Variants in UNC13C observed in about 807,000 individuals in gnomAD.
The protein encoded by UNC13C is protein unc-13 homolog C.
UNC13C carries 174 observed loss-of-function variants against 245.4 expected under a neutral mutation model. The observed-to-expected ratio is 0.71, with a 90% CI of 0.63 to 0.80. The LOEUF (loss-of-function observed/expected upper bound fraction) is 0.80, where lower values mean the gene tolerates loss of function less well. Among genes scored for constraint, UNC13C ranks in the 30% least tolerant of loss-of-function variants. The pLI, the probability that UNC13C is intolerant of heterozygous loss-of-function variation, is 0.00. For synonymous variants in UNC13C, 992 were observed against 895.1 expected (o/e 1.11, Z -1.93); for missense variants, 2,829 against 2,602.9 (o/e 1.09, Z -1.89).
chr15:54,360,580 G>A (rs1373393317), intron 17 of UNC13C, among the ~76,000 whole-genome samples: 1 of 151,998 alleles, frequency 6.6e-6, no homozygotes, highest in Admixed American at 6.6e-5. Context: ...TTGACATAAA[G>A]TCTGTTTTAT....
chr15:54,288,264 G>T (rs557288841), intron 10 of UNC13C, among the ~76,000 whole-genome samples: 1 of 152,024 alleles, frequency 6.6e-6, no homozygotes, highest in African/African-American at 2.4e-5. Flanking sequence ...GATGAATTTC[G>T]TTTATCAGTT....
chr15:53,878,179 C>T, the UNC13C span, among the ~76,000 whole-genome samples: 3 of 152,072 alleles, frequency 2.0e-5, no homozygotes, highest in African/African-American at 7.2e-5. Flanking sequence ...CACAGGATTG[C>T]TTGGAAATGG....
intron 4 of UNC13C, among the ~76,000 whole-genome samples, chr15:54,232,316 G>A (rs1473827119): frequency 1.3e-5 from 2 of 152,098 alleles, no homozygotes; most frequent in Non-Finnish European, 2.9e-5. Context: ...ACTCAAAAGA[G>A]GCAGAGATGA....
chr15:54,424,515 C>A (rs1170913998), intron 19 of UNC13C, among the ~76,000 whole-genome samples: 1 of 151,820 alleles, frequency 6.6e-6, no homozygotes, highest in Admixed American at 6.6e-5. Context: ...TGCGACCTGG[C>A]TGCAAATTGA....
chr15:54,036,155 G>A (rs1324577010), intron 2 of UNC13C, among the ~76,000 whole-genome samples: 1 of 152,188 alleles, frequency 6.6e-6, no homozygotes, highest in Non-Finnish European at 1.5e-5. Flanking sequence ...ATTCCAGGAT[G>A]TGAGAAATTA....
intron 30 of UNC13C, among the ~76,000 whole-genome samples, chr15:54,594,801 T>G (rs899442501): frequency 6.6e-6 from 1 of 152,164 alleles, no homozygotes; most frequent in Non-Finnish European, 1.5e-5. Context: ...GGAAAGGATG[T>G]TGGGGAAACC....
intron 26 of UNC13C, among the ~76,000 whole-genome samples, chr15:54,538,202 C>A (rs1274570593): frequency 7.8e-6 from 1 of 127,778 alleles, no homozygotes; most frequent in African/African-American, 3.0e-5. Context: ...GTAGACACTT[C>A]TCAAAAGAAG....
chr15:54,312,026 A>AT (rs1393876604), intron 13 of UNC13C, among the ~76,000 whole-genome samples: 3 of 151,760 alleles, frequency 2.0e-5, no homozygotes, highest in Admixed American at 6.6e-5. Flanking sequence ...TATTTTACAT[A>AT]TTTTTTTCTG....
chr15:54,305,022 T>C (rs1168465192), intron 13 of UNC13C, among the ~76,000 whole-genome samples: 1 of 152,090 alleles, frequency 6.6e-6, no homozygotes, highest in East Asian at 1.9e-4. Context: ...TGGAACAGCA[T>C]AGAGGTGCAC....
intron 11 of UNC13C, 139 bp downstream of exon 11, chr15:54,294,203 A>G (rs577056492): frequency 5.3e-6 from 4 of 749,916 alleles, no homozygotes; most frequent in African/African-American, 1.8e-5. Context: ...GATTCATTTC[A>G]TTGACAAGAA....
At chr15:54,522,835 A>T (rs1370390633) in intron 24 of UNC13C, among the ~76,000 whole-genome samples, 1 of 152,174 alleles carries the variant, frequency 6.6e-6, no homozygotes, top group African/African-American at 2.4e-5. Context: ...GTTCATACAC[A>T]TGCTAATTGA....
the UNC13C span, among the ~76,000 whole-genome samples, chr15:53,879,976 TAC>T: frequency 0.043 from 6,014 of 140,982 alleles, 131 homozygotes; most frequent in Non-Finnish European, 0.047. Flanking sequence ...TGTGTGTATA[TAC>T]ATATATATGT....
chr15:54,376,735 T>C (rs1391967309), intron 17 of UNC13C, among the ~76,000 whole-genome samples: 2 of 152,198 alleles, frequency 1.3e-5, no homozygotes, highest in Non-Finnish European at 1.5e-5. Context: ...AAATCTATGC[T>C]CTGCTTCTCT....
chr15:54,014,571 G>T lies in UNC13C; in HGVS notation c.1668G>T (p.Leu556Phe). 2 of 1,613,758 alleles carry T rather than the reference G, an allele frequency of 1.2e-6. No individual in the cohort carries two copies. The highest frequency in any genetic ancestry group is 1.7e-6 in the Non-Finnish European group (2 of 1,179,798). ...LSRSESDFSK[L>F]CQSYSEDFSE... ...GTTCTGAATCAGATTTTTCCAAATT[G>T]TGTCAGTCTTACTCAGAAGATTTTT... The change falls in exon 2 of 33, where the codon TTG (leucine) becomes TTT (phenylalanine). Residue 556 changes from leucine (L) to phenylalanine (F), a missense_variant. By Grantham distance (22) the Leu-to-Phe change is conservative. Transcript: ENST00000260323.
At chr15:53,906,996 G>A in the UNC13C span, among the ~76,000 whole-genome samples, 2 of 152,072 alleles carry the variant, frequency 1.3e-5, no homozygotes, top group Non-Finnish European at 2.9e-5. Flanking sequence ...CCCCTCTCTC[G>A]ACACGTGGGG....
rs924038501 is a variant in UNC13C, at chr15:54,015,942, A to C, written c.2983+56A>C. ...TAATTGTGTTTTAACATTGGGTAGC[A>C]CTTCTTTAGAGCATGCTCTGTGTTT... On this transcript the variant is annotated intron_variant, in intron 2 of 32. Transcript: ENST00000260323. 12 of 1,376,170 alleles carry C rather than the reference A, an allele frequency of 8.7e-6. 1 individual carries two copies. Among genetic ancestry groups the C allele is most frequent in the Middle Eastern group, 3.7e-4 (2 of 5,418 alleles). 85.2% of individuals were successfully genotyped at this position (1,376,170 alleles called of 1,614,324 possible). A position where few individuals can be genotyped will look rare whatever the true frequency, so the allele number is the denominator to read the frequency against.
chr15:53,984,005 A>G (rs772162090), intron 1 of UNC13C, among the ~76,000 whole-genome samples: 15 of 152,044 alleles, frequency 9.9e-5, no homozygotes, highest in Non-Finnish European at 2.1e-4. Context: ...TTATAACTTT[A>G]CGCCTGGAAT....
At chr15:54,466,471 C>CA (rs1892177738) in intron 19 of UNC13C, among the ~76,000 whole-genome samples, 2 of 151,716 alleles carry the variant, frequency 1.3e-5, no homozygotes, top group South Asian at 4.1e-4. Flanking sequence ...CATCAATTTC[C>CA]AAAAAAGTCA....
chr15:54,186,809 A>G (rs2033999391), intron 4 of UNC13C, among the ~76,000 whole-genome samples: 1 of 149,342 alleles, frequency 6.7e-6, no homozygotes, highest in Admixed American at 6.8e-5. Flanking sequence ...CCACATTATC[A>G]TGTCCACTGA....
Sources: gnomAD v4.1 joint callset for allele counts (sites outside exome capture counted in the v4.1 genomes callset) on GRCh38, gnomAD v4.1.1 for gene constraint, MANE v1.5 for transcripts, NCBI Gene and HGNC (gene_info 2026-07-23, HGNC 2026-07-21) for gene names.